STARD13: variants seen among roughly 807,000 people sequenced by gnomAD.
The protein encoded by STARD13 is StAR related lipid transfer domain containing 13.
A neutral mutation model predicts 106.4 loss-of-function variants in STARD13; 62 were observed. The ratio of observed to expected loss-of-function variants is 0.58; its 90% CI spans 0.48 to 0.72. The LOEUF (loss-of-function observed/expected upper bound fraction) is 0.72, where lower values mean the gene tolerates loss of function less well. Ranked by LOEUF, STARD13 falls within the 30% of genes least tolerant of loss-of-function variation. The pLI is 0.00. For synonymous variants in STARD13, 565 were observed against 553.0 expected (o/e 1.02, Z -0.31); for missense variants, 1,387 against 1,424.0 (o/e 0.97, Z 0.42).
At chr13:33,306,997 A>C (rs567752939) in intron 1 of STARD13, among the ~76,000 whole-genome samples, 2 of 152,256 alleles carry the variant, frequency 1.3e-5, no homozygotes, top group African/African-American at 4.8e-5. Context: ...TGGGCAAAGG[A>C]CATGAACAGA....
At chr13:33,192,900 A>G (rs1005328941) in intron 1 of STARD13, among the ~76,000 whole-genome samples, 4 of 150,982 alleles carry the variant, frequency 2.6e-5, no homozygotes, top group East Asian at 1.9e-4. Flanking sequence ...CTCTGTCTCA[A>G]AAAAAAAAGG....
At chr13:33,388,711 C>T in the STARD13 span, among the ~76,000 whole-genome samples, 1 of 152,156 alleles carries the variant, frequency 6.6e-6, no homozygotes, top group Admixed American at 6.5e-5. Flanking sequence ...CTGAAATTAC[C>T]TACTTGGTTC....
the STARD13 span, among the ~76,000 whole-genome samples, chr13:33,428,802 T>G: frequency 6.6e-6 from 1 of 152,144 alleles, no homozygotes; most frequent in Non-Finnish European, 1.5e-5. Flanking sequence ...TAGGAGCTTT[T>G]TAGGAGCCCA....
the STARD13 span, among the ~76,000 whole-genome samples, chr13:33,457,014 C>T: frequency 6.6e-6 from 1 of 152,246 alleles, no homozygotes. Context: ...AGACTTGCCC[C>T]CAGGGCAAAG....
chr13:33,665,211 G>T, the STARD13 span, among the ~76,000 whole-genome samples: 4 of 152,140 alleles, frequency 2.6e-5, no homozygotes, highest in Non-Finnish European at 5.9e-5. Flanking sequence ...TTGTTGAGTG[G>T]TGACTGAACT....
chr13:33,258,347 C>G (rs1178713150), intron 1 of STARD13, among the ~76,000 whole-genome samples: 1 of 152,104 alleles, frequency 6.6e-6, no homozygotes, highest in Non-Finnish European at 1.5e-5. Context: ...GTTCTATGTT[C>G]TCAATAGAAG....
chr13:33,247,308 C>T (rs979586967), intron 1 of STARD13, among the ~76,000 whole-genome samples: 26 of 151,958 alleles, frequency 1.7e-4, no homozygotes, highest in Admixed American at 9.8e-4. Flanking sequence ...AGATACCAGG[C>T]GGCAGAGAGT....
intron 1 of STARD13, among the ~76,000 whole-genome samples, chr13:33,213,492 T>C (rs1887842688): frequency 6.6e-6 from 1 of 152,232 alleles, no homozygotes; most frequent in South Asian, 2.1e-4. Flanking sequence ...ACAAGTCTGA[T>C]GTTCCAGAGA....
the STARD13 span, among the ~76,000 whole-genome samples, chr13:33,466,197 A>G: frequency 6.6e-6 from 1 of 152,356 alleles, no homozygotes; most frequent in Non-Finnish European, 1.5e-5. Flanking sequence ...TACAAGAGAT[A>G]CATATTACAG....
the STARD13 span, among the ~76,000 whole-genome samples, chr13:33,463,140 G>C: frequency 6.6e-6 from 1 of 152,170 alleles, no homozygotes; most frequent in East Asian, 1.9e-4. Context: ...GCTTGGGAAG[G>C]TTCTTGATTT....
At chr13:33,554,105 AT>A in the STARD13 span, among the ~76,000 whole-genome samples, 1 of 152,160 alleles carries the variant, frequency 6.6e-6, no homozygotes, top group African/African-American at 2.4e-5. Flanking sequence ...CCTAATCAAT[AT>A]TAATAGATAT....
the STARD13 span, among the ~76,000 whole-genome samples, chr13:33,665,626 T>A: frequency 1.3e-5 from 2 of 152,246 alleles, no homozygotes; most frequent in Non-Finnish European, 2.9e-5. Context: ...GAGGAATTAC[T>A]ATCAAGGATA....
At chr13:33,351,484 C>T (rs913340595), upstream of STARD13, among the ~76,000 whole-genome samples, 6 of 152,188 alleles carry the variant, frequency 3.9e-5, no homozygotes, top group Admixed American at 2.0e-4. Flanking sequence ...GACTTCAACT[C>T]ATTCATAAGG....
the STARD13 span, among the ~76,000 whole-genome samples, chr13:33,383,433 T>C: frequency 6.6e-6 from 1 of 151,942 alleles, no homozygotes; most frequent in East Asian, 1.9e-4. Context: ...TGGCACACAG[T>C]CAGTGTTTGA....
chr13:33,187,240 A>C (rs962627239), intron 1 of STARD13, among the ~76,000 whole-genome samples: 1 of 152,182 alleles, frequency 6.6e-6, no homozygotes, highest in East Asian at 1.9e-4. Flanking sequence ...AAGAGGGGGA[A>C]GGGTCCCGCT....
chr13:33,379,286 T>G, the STARD13 span, among the ~76,000 whole-genome samples: 9 of 152,184 alleles, frequency 5.9e-5, no homozygotes, highest in South Asian at 2.1e-4. Context: ...TGTAAAATAG[T>G]CCACATTAAA....
the STARD13 span, among the ~76,000 whole-genome samples, chr13:33,610,508 G>A: frequency 1.3e-5 from 2 of 152,252 alleles, no homozygotes; most frequent in South Asian, 2.1e-4. Context: ...TCCCAGCCCC[G>A]CGCTGCTCCT....
chr13:33,356,784 C>T, the STARD13 span, among the ~76,000 whole-genome samples: 1 of 152,176 alleles, frequency 6.6e-6, no homozygotes. Context: ...CAGCCAAATT[C>T]TGAATAGCCT....
chr13:33,145,195 C>G (rs1651995155), intron 3 of STARD13, among the ~76,000 whole-genome samples: 1 of 152,168 alleles, frequency 6.6e-6, no homozygotes, highest in African/African-American at 2.4e-5. Flanking sequence ...GTCAAACAAC[C>G]TGATTTTCAA....
Sources: gnomAD v4.1 joint callset for allele counts (sites outside exome capture counted in the v4.1 genomes callset) on GRCh38, gnomAD v4.1.1 for gene constraint, MANE v1.5 for transcripts, NCBI Gene and HGNC (gene_info 2026-07-23, HGNC 2026-07-21) for gene names.